KIF20B: variants seen among roughly 807,000 people sequenced by gnomAD.
KIF20B encodes the protein kinesin family member 20B, also known as kinesin-like protein KIF20B.
Under a neutral mutation model 232.5 loss-of-function variants are expected in KIF20B, and 188 were observed. The observed-to-expected ratio is 0.81, with a 90% CI of 0.72 to 0.91. The LOEUF (loss-of-function observed/expected upper bound fraction) is 0.91. Among genes scored for constraint, KIF20B ranks in the 40% least tolerant of loss-of-function variants. The pLI, the probability that KIF20B is intolerant of heterozygous loss-of-function variation, is 0.00. For synonymous variants in KIF20B, 712 were observed against 683.0 expected (o/e 1.04, Z -0.66); for missense variants, 2,154 against 2,055.9 (o/e 1.05, Z -0.92).
chr10:89,762,581 G>C, intron 28 of KIF20B, 57 bp from the exon 29 acceptor site: 1 of 1,317,206 alleles, frequency 7.6e-7, no homozygotes, highest in South Asian at 1.3e-5. Flanking sequence ...TTAATTCTTT[G>C]TGGTTTATAA....
At chr10:89,722,729 G>A (rs1419244468) in intron 13 of KIF20B, among the ~76,000 whole-genome samples, 1 of 149,802 alleles carries the variant, frequency 6.7e-6, no homozygotes, top group Non-Finnish European at 1.5e-5. Context: ...TCATTCTGAT[G>A]TCTCCTTCAA....
At chr10:89,727,514 G>A (rs1843216659) in intron 16 of KIF20B, among the ~76,000 whole-genome samples, 1 of 152,214 alleles carries the variant, frequency 6.6e-6, no homozygotes, top group South Asian at 2.1e-4. Flanking sequence ...AAACAAATGG[G>A]TAGAAAATAA....
chr10:89,749,867 A>G (rs1841990023), intron 23 of KIF20B, among the ~76,000 whole-genome samples: 1 of 151,910 alleles, frequency 6.6e-6, no homozygotes, highest in Non-Finnish European at 1.5e-5. Context: ...TATAGTTTTA[A>G]TTTTCTTGGG....
At chr10:89,714,118 C>A (rs756370419) in intron 7 of KIF20B, 35 bp downstream of exon 7, 2 of 1,207,246 alleles carry the variant, frequency 1.7e-6, no homozygotes, top group South Asian at 3.4e-5. Context: ...TTTGATGTAT[C>A]GATTATATGA....
At chr10:89,721,934 C>T (rs943998529) in intron 13 of KIF20B, among the ~76,000 whole-genome samples, 1 of 152,014 alleles carries the variant, frequency 6.6e-6, no homozygotes, top group Non-Finnish European at 1.5e-5. Context: ...CTTCTAGAGA[C>T]AAAGTCTTGC....
At position 89,768,748 on chromosome 10, in the gene KIF20B, G is replaced by A. The variant is rs759971040; in HGVS notation, c.5102G>A (p.Arg1701His). The part of the protein sequence containing the change: ...SVKKEQKVAI[R>H]PSSKKTYSLR... The stretch of plus-strand genomic sequence containing the variant: ...TGTTTTGTTTATTAGGTTGCCATAC[G>A]TCCATCATCTAAGAAAACATATTCT... The change falls in exon 31 of 33, where the codon CGT becomes CAT. Residue 1701 changes from arginine to histidine, a missense_variant. Coordinates refer to ENST00000371728, the MANE Select transcript of KIF20B (RefSeq NM_001284259.2). 24 of 1,586,806 alleles carry A rather than the reference G, an allele frequency of 1.5e-5. No homozygotes were observed. The highest frequency in any genetic ancestry group is 1.1e-4 in the East Asian group (5 of 44,496).
At chr10:89,705,704 G>A (rs976332408) in intron 2 of KIF20B, among the ~76,000 whole-genome samples, 8 of 152,268 alleles carry the variant, frequency 5.3e-5, no homozygotes, top group Non-Finnish European at 7.4e-5. Flanking sequence ...TACTACATCC[G>A]TTGTGGCACT....
chr10:89,721,635 ACT>A (rs971097457), intron 13 of KIF20B, among the ~76,000 whole-genome samples: 1 of 152,072 alleles, frequency 6.6e-6, no homozygotes, highest in Non-Finnish European at 1.5e-5. Context: ...GCACTACTGC[ACT>A]CTGGCCTGGG....
chr10:89,737,533 C>T lies in KIF20B; in HGVS notation c.2692C>T (p.Leu898Phe). The T allele has an allele frequency of 6.2e-7, 1 of 1,608,116 alleles. No individual in the cohort carries two copies. Among genetic ancestry groups the T allele is most frequent in the South Asian group, 1.1e-5 (1 of 89,544 alleles). Residue 898 changes from leucine (L) to phenylalanine (F), a missense_variant, in exon 20 of 33, where the codon CTT (leucine) becomes TTT (phenylalanine). Transcript: ENST00000371728. ...ATTTTTACTCACTATTGAGAATGAA[C>T]TTAAAAATGAAAAGGAAGAAAAAGC... ...RAFLLTIENELKNEKEEKAEL... is the reference protein window; with the variant it reads ...RAFLLTIENEFKNEKEEKAEL...
chr10:89,729,000 C>A (rs1319919828), intron 17 of KIF20B, 128 bp from the exon 18 acceptor site: 4 of 791,372 alleles, frequency 5.1e-6, no homozygotes, highest in East Asian at 6.4e-5. Context: ...TAGTGTGTTG[C>A]CACTGATTAG....
chr10:89,756,637 T>A (rs189660181), intron 26 of KIF20B, among the ~76,000 whole-genome samples: 1 of 152,304 alleles, frequency 6.6e-6, no homozygotes, highest in East Asian at 1.9e-4. Flanking sequence ...TAATACCTAT[T>A]TCAAGAAGAG....
intron 27 of KIF20B, among the ~76,000 whole-genome samples, chr10:89,759,820 T>C (rs1263917193): frequency 6.6e-6 from 1 of 152,166 alleles, no homozygotes; most frequent in African/African-American, 2.4e-5. Flanking sequence ...GTAGAGTCTT[T>C]CTTATTTGGC....
Position 89,737,747 on chromosome 10 carries a change from A to G in KIF20B, c.2906A>G (p.Glu969Gly). Residue 969 changes from glutamate (E) to glycine (G), a missense_variant, in exon 20 of 33, where the codon GAA (glutamate) becomes GGA (glycine). Glu to Gly is a moderately conservative substitution (Grantham distance 98). Coordinates refer to ENST00000371728, the MANE Select transcript of KIF20B (RefSeq NM_001284259.2). ...ATCATGAAATTGTCAAATGAGATAG[A>G]AACTGCTACAAGAAGCATTACAAAT... is the stretch of plus-strand genomic sequence containing the variant. ...EKIMKLSNEI[E>G]TATRSITNNV... 6.2e-7 allele frequency: 1 copy of G among 1,612,332 alleles called. No homozygotes were observed. Among genetic ancestry groups the G allele is most frequent in the Non-Finnish European group, 8.5e-7 (1 of 1,179,042 alleles).
chr10:89,768,801 G>T lies in KIF20B; in HGVS notation c.5155G>T (p.Val1719Leu). ...SLRSQASIIG[V>L]NLATKKKEGT... is the part of the protein sequence containing the mutation. ...ACGGAGTCAGGCATCCATAATTGGT[G>T]TAAACCTGGCCACTAAGAAAAAAGA... Residue 1719 changes from valine to leucine, a missense_variant, in exon 31 of 33, where the codon GTA becomes TTA. Transcript: ENST00000371728. 1 of 1,610,144 alleles carries T rather than the reference G, an allele frequency of 6.2e-7. No individual in the cohort carries two copies. Among genetic ancestry groups the T allele is most frequent in the Non-Finnish European group, 8.5e-7 (1 of 1,178,152 alleles).
At chr10:89,734,996 G>A (rs1841616962) in intron 19 of KIF20B, among the ~76,000 whole-genome samples, 1 of 152,154 alleles carries the variant, frequency 6.6e-6, no homozygotes, top group Non-Finnish European at 1.5e-5. Context: ...ACTATCTTTG[G>A]TATTTGGTGC....
chr10:89,721,861 A>T (rs759209735), intron 13 of KIF20B, among the ~76,000 whole-genome samples: 21 of 152,208 alleles, frequency 1.4e-4, no homozygotes, highest in Non-Finnish European at 2.8e-4. Context: ...AAATTCATCA[A>T]AATGTCTAAT....
chr10:89,751,303 C>A (rs1289969847), intron 23 of KIF20B, 43 bp from the exon 24 acceptor site: 3 of 1,501,982 alleles, frequency 2.0e-6, no homozygotes, highest in Non-Finnish European at 2.7e-6. Context: ...AATTGGATAT[C>A]TAGAGGCTAT....
rs1001059547 is a variant in KIF20B, at chr10:89,758,850, C to T, written c.4648C>T (p.Leu1550=). 3.1e-6 allele frequency: 5 copies of T among 1,590,880 alleles called. No individual in the cohort carries two copies. The highest frequency in any genetic ancestry group is 3.4e-6 in the Non-Finnish European group (4 of 1,169,482). ...ACAGAAAGATAATGAAATTGAACAA[C>T]TAAAAAGGATCATATCAGAGACTTC... ...NVQKDNEIEQ[L]KRIISETSKI... The change falls in exon 27 of 33, where the codon CTA becomes TTA. Residue 1550 remains leucine (L), a synonymous_variant. Coordinates refer to ENST00000371728, the MANE Select transcript of KIF20B (RefSeq NM_001284259.2).
chr10:89,745,540 TAAATAAA>T (rs1841890770), intron 22 of KIF20B, among the ~76,000 whole-genome samples: 1 of 151,794 alleles, frequency 6.6e-6, no homozygotes, highest in Admixed American at 6.6e-5. Context: ...AACAAATAAA[TAAATAAA>T]TAAATAAAGA....
Sources: allele counts gnomAD v4.1 joint callset (sites outside exome capture counted in the v4.1 genomes callset), GRCh38; gene constraint gnomAD v4.1.1; transcripts MANE v1.5; gene names NCBI Gene and HGNC (gene_info 2026-07-23, HGNC 2026-07-21).